The following CDC27 variants were observed in gnomAD, a reference collection of about 807,000 sequenced individuals.
CDC27 encodes the protein cell division cycle protein 27 homolog.
A neutral mutation model predicts 109.7 loss-of-function variants in CDC27; 27 were observed. The observed-to-expected ratio is 0.25, with a 90% CI of 0.18 to 0.34. CDC27 has a LOEUF of 0.34. CDC27 is among the 10% of genes least tolerant of loss of function. The probability of loss-of-function intolerance (pLI) is 1.00; values close to 1 mark genes in which losing one functional copy is unlikely to be tolerated. For missense variants in CDC27, 579 were observed against 960.2 expected (o/e 0.60, Z 5.25); for synonymous variants, 266 against 333.9 (o/e 0.80, Z 2.22).
chr17:47,130,016 T>C (rs2062270406), intron 15 of CDC27, among the ~76,000 whole-genome samples: 1 of 152,200 alleles, frequency 6.6e-6, no homozygotes, highest in African/African-American at 2.4e-5. Context: ...TTTACAAACC[T>C]TGTTTCACTC....
chr17:47,119,708 T>G lies in CDC27; in HGVS notation c.*1227A>C, dbSNP rs972203381. 4 of 152,246 alleles carry G rather than the reference T, an allele frequency of 2.6e-5. No individual in the cohort carries two copies. The highest frequency in any genetic ancestry group is 9.6e-5 in the African/African-American group (4 of 41,470). 9.4% of individuals were successfully genotyped at this position (152,246 alleles called of 1,614,324 possible). ...TATCATTTTATATGCATAATTGAATTCTTAAAATTGTGGCCATTTTCCAAA... is the reference window on the plus strand; with the variant it reads ...TATCATTTTATATGCATAATTGAATGCTTAAAATTGTGGCCATTTTCCAAA... On this transcript the variant is annotated 3_prime_UTR_variant, in exon 19 of 19. Transcript: ENST00000066544.
rs574223889 is a variant in CDC27, at chr17:47,142,858, A to G, written c.1171-422T>C. 7.2e-5 allele frequency among the ~76,000 whole-genome samples: 11 copies of G among 152,146 alleles called. No individual in the cohort carries two copies. The South Asian group carries it at 2.3e-3, about 32-fold the overall frequency. ...CACGCCCGGTTAATTTTTATTTTGG[A>G]AGAGACTGGATTTCTCCACGTTGGT... On this transcript the variant is annotated intron_variant, in intron 10 of 18. Transcript: ENST00000066544.
intron 4 of CDC27, among the ~76,000 whole-genome samples, chr17:47,168,240 G>C (rs1261450149): frequency 1.3e-5 from 2 of 152,092 alleles, no homozygotes; most frequent in Non-Finnish European, 2.9e-5. Context: ...GGGAGGTTGC[G>C]GGGTGGGGAT....
At chr17:47,184,440 T>C (rs2064353606) in intron 1 of CDC27, among the ~76,000 whole-genome samples, 2 of 152,212 alleles carry the variant, frequency 1.3e-5, no homozygotes, top group Non-Finnish European at 2.9e-5. Context: ...CCAGCTATTT[T>C]ACTACTATGG....
chr17:47,133,815 C>T (rs946646927), intron 14 of CDC27, among the ~76,000 whole-genome samples: 1 of 151,958 alleles, frequency 6.6e-6, no homozygotes, highest in Non-Finnish European at 1.5e-5. Context: ...GTGGTGCAAT[C>T]TCAGCTCACT....
At chr17:47,174,081 G>A (rs538535112) in intron 2 of CDC27, among the ~76,000 whole-genome samples, 2 of 152,332 alleles carry the variant, frequency 1.3e-5, no homozygotes, top group Admixed American at 6.5e-5. Flanking sequence ...GTGACAGAGT[G>A]AGATTCTGTT....
intron 4 of CDC27, among the ~76,000 whole-genome samples, chr17:47,163,984 G>A (rs957191913): frequency 6.6e-6 from 1 of 152,072 alleles, no homozygotes; most frequent in African/African-American, 2.4e-5. Context: ...GGCTAGTCTC[G>A]AACTCTTGAC....
intron 1 of CDC27, among the ~76,000 whole-genome samples, chr17:47,181,993 T>C (rs2149004900): frequency 6.6e-6 from 1 of 152,342 alleles, no homozygotes; most frequent in Middle Eastern, 3.4e-3. Context: ...TCCTGGCTGA[T>C]GTCAAGCCAT....
intron 1 of CDC27, among the ~76,000 whole-genome samples, chr17:47,187,454 C>A (rs1239245548): frequency 6.6e-6 from 1 of 152,060 alleles, no homozygotes; most frequent in East Asian, 1.9e-4. Context: ...GCGCCCACCA[C>A]CACGCCTGGC....
Position 47,119,678 on chromosome 17 carries a change from A to G in CDC27, c.*1257T>C, listed in dbSNP as rs1317360486. 1 of 152,242 alleles carries G rather than the reference A, an allele frequency of 6.6e-6. No individual in the cohort carries two copies. Among genetic ancestry groups the G allele is most frequent in the Non-Finnish European group, 1.5e-5 (1 of 68,042 alleles). The allele number at this position is 152,242 out of a possible 1,614,324, so 9.4% of individuals were successfully genotyped here. On this transcript the variant is annotated 3_prime_UTR_variant, in exon 19 of 19. Transcript: ENST00000066544. The stretch of plus-strand genomic sequence containing the variant: ...TTAAATCTGTTACTGTGGAATTCCA[A>G]TAATTATCATTTTATATGCATAATT...
At chr17:47,152,854 C>G (rs958450332) in intron 8 of CDC27, among the ~76,000 whole-genome samples, 5 of 152,136 alleles carry the variant, frequency 3.3e-5, no homozygotes, top group Non-Finnish European at 7.4e-5. Context: ...CATTTGCTGG[C>G]CCTTTATCCT....
At chr17:47,159,400 A>G in intron 4 of CDC27, 1 of 974,726 alleles carries the variant, frequency 1.0e-6, no homozygotes, top group South Asian at 1.9e-5. Flanking sequence ...CCCCTGGCTG[A>G]GGTGTAGCAG....
chr17:47,175,140 G>A (rs2063959480), intron 2 of CDC27, among the ~76,000 whole-genome samples: 1 of 151,826 alleles, frequency 6.6e-6, no homozygotes, highest in Admixed American at 6.6e-5. Flanking sequence ...CTTACAAACA[G>A]GTTTGGCTTC....
intron 5 of CDC27, 70 bp downstream of exon 5, chr17:47,158,135 CA>C: frequency 3.4e-6 from 2 of 583,144 alleles, no homozygotes; most frequent in South Asian, 7.4e-5. Context: ...TATTGCTCTC[CA>C]AAAATTAAGT....
At chr17:47,152,617 G>C (rs1040174822) in intron 8 of CDC27, among the ~76,000 whole-genome samples, 1 of 152,060 alleles carries the variant, frequency 6.6e-6, no homozygotes, top group Non-Finnish European at 1.5e-5. Context: ...TCAGTGCACT[G>C]TTTTTCCCCT....
chr17:47,136,231 T>G (rs576652663), intron 14 of CDC27, among the ~76,000 whole-genome samples: 1 of 152,314 alleles, frequency 6.6e-6, no homozygotes, highest in Non-Finnish European at 1.5e-5. Flanking sequence ...CATTGGCAAG[T>G]TGATTGTTAC....
intron 2 of CDC27, among the ~76,000 whole-genome samples, chr17:47,175,591 A>C (rs2063975875): frequency 6.6e-6 from 1 of 152,202 alleles, no homozygotes; most frequent in South Asian, 2.1e-4. Context: ...CAAGGTGGGC[A>C]GATCACTTGA....
chr17:47,166,342 G>T (rs186899383), intron 4 of CDC27, among the ~76,000 whole-genome samples: 52 of 152,268 alleles, frequency 3.4e-4, no homozygotes, highest in Non-Finnish European at 6.2e-4. Flanking sequence ...TGGTAGTGTG[G>T]CTTATTAAGA....
chr17:47,159,476 G>T, intron 4 of CDC27: 1 of 586,040 alleles, frequency 1.7e-6, no homozygotes, highest in South Asian at 2.3e-5. Context: ...CCGTGCTCCT[G>T]GGGGTGCGAC....
Sources: allele counts gnomAD v4.1 joint callset (sites outside exome capture counted in the v4.1 genomes callset), GRCh38; gene constraint gnomAD v4.1.1; transcripts MANE v1.5; gene names NCBI Gene and HGNC (gene_info 2026-07-23, HGNC 2026-07-21).